The following L3HYPDH variants were observed in gnomAD, a reference collection of about 807,000 sequenced individuals.
The protein encoded by L3HYPDH is trans-3-hydroxy-L-proline dehydratase.
Under a neutral mutation model 26.5 loss-of-function variants are expected in L3HYPDH, and 32 were observed. The ratio of observed to expected loss-of-function variants is 1.21; its 90% CI spans 0.91 to 1.62. L3HYPDH has a LOEUF of 1.62. Ranked by LOEUF, L3HYPDH falls within the 40% of genes most tolerant of loss-of-function variation. The pLI is 0.00. For synonymous variants in L3HYPDH, 215 were observed against 196.6 expected (o/e 1.09, Z -0.78); for missense variants, 554 against 476.4 (o/e 1.16, Z -1.52).
At position 59,484,257 on chromosome 14, in the gene L3HYPDH, C is replaced by A; in HGVS notation, c.60G>T (p.Leu20=). ...LPPHDPGTPV[L]SVVDMHTGGE... is the part of the protein sequence containing the mutation. ...CGCCCGTGTGCATGTCCACCACCGA[C>A]AGCACCGGCGTCCCTGGATCATGCG... The change falls in exon 1 of 5, where the codon CTG becomes CTT. Residue 20 remains leucine, a synonymous_variant. Transcript: ENST00000247194. 1.3e-6 allele frequency: 2 copies of A among 1,597,732 alleles called. No individual in the cohort carries two copies.
the L3HYPDH span, among the ~76,000 whole-genome samples, chr14:59,503,534 T>C: frequency 3.7e-4 from 56 of 152,174 alleles, no homozygotes; most frequent in Non-Finnish European, 5.0e-4. Flanking sequence ...GGAGTTTCCC[T>C]TCTAGTTCGT....
downstream of L3HYPDH, among the ~76,000 whole-genome samples, chr14:59,471,054 T>TTG (rs1566556679): frequency 1.3e-5 from 2 of 151,276 alleles, no homozygotes; most frequent in African/African-American, 4.9e-5. Flanking sequence ...GTGAGCAGTA[T>TTG]TGAGAAGGCA....
upstream of L3HYPDH, chr14:59,485,189 A>G (rs374645446): frequency 2.8e-5 from 43 of 1,511,476 alleles, no homozygotes; most frequent in Middle Eastern, 3.4e-4. Context: ...GAGAAACTTT[A>G]GATTATTGAT....
intron 1 of L3HYPDH, chr14:59,465,487 C>G (rs1360302613): frequency 5.6e-6 from 2 of 356,848 alleles, no homozygotes; most frequent in East Asian, 8.2e-5. Flanking sequence ...ACCGCCACTC[C>G]GGAGGTTACC....
At chr14:59,484,514 G>T (rs373595208), upstream of L3HYPDH, 2 of 1,534,906 alleles carry the variant, frequency 1.3e-6, no homozygotes, top group Admixed American at 2.0e-5. Context: ...CGCCGAGCTC[G>T]CTGTGGCCCG....
intron 4 of L3HYPDH, 124 bp downstream of exon 4, chr14:59,475,745 T>G: frequency 9.2e-7 from 1 of 1,085,396 alleles, no homozygotes; most frequent in Non-Finnish European, 1.3e-6. Context: ...AAGAAGTTTT[T>G]ACAGGCCTGC....
chr14:59,503,274 AC>A, the L3HYPDH span, among the ~76,000 whole-genome samples: 1 of 152,196 alleles, frequency 6.6e-6, no homozygotes, highest in African/African-American at 2.4e-5. Flanking sequence ...GTTGCAAATT[AC>A]GTTTTAATGT....
At chr14:59,473,853 A>C (rs1889437269) in intron 4 of L3HYPDH, among the ~76,000 whole-genome samples, 1 of 152,100 alleles carries the variant, frequency 6.6e-6, no homozygotes, top group Non-Finnish European at 1.5e-5. Context: ...ATGGAAGGAC[A>C]GGGAAAGGAA....
At chr14:59,492,397 G>T in the L3HYPDH span, among the ~76,000 whole-genome samples, 1 of 152,192 alleles carries the variant, frequency 6.6e-6, no homozygotes, top group South Asian at 2.1e-4. Context: ...TGTTGGGTAG[G>T]TGTGGGAGTG....
chr14:59,482,389 G>A (rs541494988), intron 1 of L3HYPDH, among the ~76,000 whole-genome samples: 78 of 152,164 alleles, frequency 5.1e-4, no homozygotes, highest in Non-Finnish European at 9.8e-4. Context: ...CTACTGAGAG[G>A]AACTACTGAG....
chr14:59,504,106 G>A, the L3HYPDH span: 2 of 1,305,132 alleles, frequency 1.5e-6, no homozygotes, highest in South Asian at 1.2e-5. Context: ...AACCTGAGAA[G>A]TGCTCCTAAT....
chr14:59,501,420 T>C, the L3HYPDH span, among the ~76,000 whole-genome samples: 2 of 152,348 alleles, frequency 1.3e-5, no homozygotes, highest in South Asian at 4.1e-4. Context: ...TTGTTAACTT[T>C]ATGAAAAGTT....
At chr14:59,496,201 C>T in the L3HYPDH span, among the ~76,000 whole-genome samples, 69 of 152,000 alleles carry the variant, frequency 4.5e-4, 1 homozygote, top group East Asian at 9.7e-4. Context: ...CCACTGTGCC[C>T]GGCCTCTCCC....
chr14:59,494,006 C>T, the L3HYPDH span, among the ~76,000 whole-genome samples: 1 of 152,024 alleles, frequency 6.6e-6, no homozygotes, highest in African/African-American at 2.4e-5. Flanking sequence ...ACTGGCAATT[C>T]AAATGGGAAA....
chr14:59,505,098 G>A, the L3HYPDH span: 2 of 444,164 alleles, frequency 4.5e-6, no homozygotes, highest in Non-Finnish European at 8.0e-6. Context: ...TTTATTTACT[G>A]ATACTTGGTG....
At chr14:59,475,562 T>C (rs1215095557) in intron 4 of L3HYPDH, among the ~76,000 whole-genome samples, 1 of 152,198 alleles carries the variant, frequency 6.6e-6, no homozygotes. Context: ...GGTTATCACA[T>C]ATCACATCGT....
In L3HYPDH at chr14:59,475,852, C is replaced by G; in HGVS notation, c.939+17G>C. 2.5e-6 allele frequency: 4 copies of G among 1,603,418 alleles called. No homozygotes were observed. Among genetic ancestry groups the G allele is most frequent in the Non-Finnish European group, 3.4e-6 (4 of 1,176,146 alleles). ...GAGTGACACATTTATAAATAAGAAG[C>G]TAAGGGTGCCACTTACCCTCACAGC... On this transcript the variant is annotated intron_variant, in intron 4 of 4. Transcript: ENST00000247194.
the L3HYPDH span, chr14:59,505,238 G>A: frequency 6.9e-7 from 1 of 1,459,524 alleles, no homozygotes; most frequent in South Asian, 1.3e-5. Flanking sequence ...GTATCCTTGA[G>A]TTACTTTGTT....
the L3HYPDH span, among the ~76,000 whole-genome samples, chr14:59,495,543 C>T: frequency 2.6e-5 from 4 of 151,926 alleles, no homozygotes; most frequent in African/African-American, 7.2e-5. Flanking sequence ...TTCTTTTTTT[C>T]TCCCCAAATA....
Sources: gnomAD v4.1 joint callset for allele counts (sites outside exome capture counted in the v4.1 genomes callset) on GRCh38, gnomAD v4.1.1 for gene constraint, MANE v1.5 for transcripts, NCBI Gene and HGNC (gene_info 2026-07-23, HGNC 2026-07-21) for gene names.